The following XRRA1 variants were observed in gnomAD, a reference collection of about 807,000 sequenced individuals.
XRRA1 encodes X-ray radiation resistance associated 1.
XRRA1 carries 69 observed loss-of-function variants against 80.2 expected under a neutral mutation model. The ratio of observed to expected loss-of-function variants is 0.86; its 90% CI spans 0.71 to 1.05. The LOEUF is 1.05. XRRA1 is among the 50% of genes least tolerant of loss of function. The pLI, the probability that XRRA1 is intolerant of heterozygous loss-of-function variation, is 0.00. For missense variants in XRRA1, 967 were observed against 976.4 expected (o/e 0.99, Z 0.13); for synonymous variants, 348 against 389.9 (o/e 0.89, Z 1.27).
chr11:74,897,903 G>A lies in XRRA1; in HGVS notation c.1003+8336C>T, dbSNP rs117710188. ...CTCAATAAAGGATGTTAATGAGCAA[G>A]AAGAAATCATCTGAAGGTCCAAAAC... is the stretch of plus-strand genomic sequence containing the variant. On this transcript the variant is annotated intron_variant, in intron 10 of 18. Transcript: ENST00000684022. Among the ~76,000 whole-genome samples the A allele has an allele frequency of 2.8e-3, 424 of 152,184 alleles. 1 individual carries two copies. Among genetic ancestry groups the A allele is most frequent in the Non-Finnish European group, 5.5e-3 (372 of 67,974 alleles).
chr11:74,916,353 T>C (rs1938667245), intron 8 of XRRA1, among the ~76,000 whole-genome samples: 1 of 152,170 alleles, frequency 6.6e-6, no homozygotes, highest in Admixed American at 6.5e-5. Context: ...TTTGTTCAAG[T>C]CAATCTTTTT....
intron 11 of XRRA1, among the ~76,000 whole-genome samples, chr11:74,860,936 G>C (rs2042176293): frequency 6.6e-6 from 1 of 152,228 alleles, no homozygotes; most frequent in African/African-American, 2.4e-5. Context: ...GGCCATGCCA[G>C]AAAGACTAAC....
intron 10 of XRRA1, among the ~76,000 whole-genome samples, chr11:74,871,402 C>G (rs1207435456): frequency 6.6e-6 from 1 of 152,230 alleles, no homozygotes; most frequent in Non-Finnish European, 1.5e-5. Context: ...TTCTAGCCAT[C>G]TTTAGCCTGC....
chr11:74,947,062 C>A (rs1947724306), intron 1 of XRRA1, among the ~76,000 whole-genome samples: 1 of 152,024 alleles, frequency 6.6e-6, no homozygotes, highest in African/African-American at 2.4e-5. Flanking sequence ...TATCCTGCAT[C>A]TCACACAGGA....
chr11:74,897,435 G>T (rs1352674611), intron 10 of XRRA1, among the ~76,000 whole-genome samples: 1 of 152,080 alleles, frequency 6.6e-6, no homozygotes, highest in Admixed American at 6.5e-5. Flanking sequence ...GATAGGGATA[G>T]AAAGTTTATT....
chr11:74,902,295 G>C (rs1186752449), intron 10 of XRRA1, among the ~76,000 whole-genome samples: 1 of 152,182 alleles, frequency 6.6e-6, no homozygotes, highest in Non-Finnish European at 1.5e-5. Context: ...GGAGAAAAGG[G>C]AACCCTCATA....
chr11:74,925,229 A>G (rs1367292322), intron 7 of XRRA1, among the ~76,000 whole-genome samples: 1 of 152,230 alleles, frequency 6.6e-6, no homozygotes, highest in East Asian at 1.9e-4. Context: ...AACCAAGACA[A>G]AAGGTCTTCT....
At chr11:74,934,817 T>G (rs544625994) in intron 4 of XRRA1, among the ~76,000 whole-genome samples, 2 of 152,260 alleles carry the variant, frequency 1.3e-5, no homozygotes, top group South Asian at 4.1e-4. Flanking sequence ...AGCAGGGGGC[T>G]GATAGTAATT....
chr11:74,933,677 CCTT>C, intron 5 of XRRA1, 121 bp downstream of exon 5: 5 of 781,706 alleles, frequency 6.4e-6, no homozygotes, highest in African/African-American at 1.7e-5. Flanking sequence ...TCCTCTCCCT[CCTT>C]CTTCGTGACC....
At chr11:74,903,684 C>G (rs943569910) in intron 10 of XRRA1, among the ~76,000 whole-genome samples, 1 of 152,078 alleles carries the variant, frequency 6.6e-6, no homozygotes, top group Admixed American at 6.5e-5. Flanking sequence ...GCCTGGGCAA[C>G]AGCGTGAGAC....
chr11:74,854,205 A>C (rs2040551845), intron 12 of XRRA1, among the ~76,000 whole-genome samples: 1 of 152,200 alleles, frequency 6.6e-6, no homozygotes, highest in Non-Finnish European at 1.5e-5. Context: ...GCAGTTGGAT[A>C]CACTGGTCTG....
At chr11:74,894,766 C>G (rs573040918) in intron 10 of XRRA1, among the ~76,000 whole-genome samples, 2 of 151,984 alleles carry the variant, frequency 1.3e-5, no homozygotes, top group African/African-American at 2.4e-5. Flanking sequence ...CCCTTGAACC[C>G]AAAATAAAAG....
intron 7 of XRRA1, among the ~76,000 whole-genome samples, chr11:74,926,127 A>C (rs1942174651): frequency 6.6e-6 from 1 of 152,226 alleles, no homozygotes. Flanking sequence ...TTTTGTCTCA[A>C]ATCATAGAAA....
intron 16 of XRRA1, 127 bp downstream of exon 16, chr11:74,844,946 T>C (rs1253672922): frequency 4.5e-6 from 4 of 892,228 alleles, no homozygotes; most frequent in Non-Finnish European, 7.0e-6. Flanking sequence ...CTTTGACAGG[T>C]ATTTAGACAG....
At chr11:74,843,764 C>G in intron 18 of XRRA1, 90 bp downstream of exon 18, 1 of 1,217,874 alleles carries the variant, frequency 8.2e-7, no homozygotes, top group Non-Finnish European at 1.2e-6. Context: ...CTCTAAGGGC[C>G]TTTCCTGCAC....
At chr11:74,856,781 G>A (rs1694369921) in intron 12 of XRRA1, among the ~76,000 whole-genome samples, 2 of 152,162 alleles carry the variant, frequency 1.3e-5, no homozygotes, top group African/African-American at 2.4e-5. Context: ...AAAAAGGCAG[G>A]GGGCCTTACC....
chr11:74,890,374 C>G (rs2137233874), intron 10 of XRRA1, among the ~76,000 whole-genome samples: 1 of 152,250 alleles, frequency 6.6e-6, no homozygotes, highest in Middle Eastern at 3.4e-3. Flanking sequence ...ACACAACATA[C>G]CAGAATCCCT....
At chr11:74,919,046 T>G (rs891842179) in intron 8 of XRRA1, 1 of 152,298 alleles carries the variant, frequency 6.6e-6, no homozygotes, top group African/African-American at 2.4e-5. Flanking sequence ...CTTCTTACTT[T>G]TTGTTCTTCC....
intron 10 of XRRA1, among the ~76,000 whole-genome samples, chr11:74,869,063 T>C (rs1227214613): frequency 6.6e-6 from 1 of 151,962 alleles, no homozygotes; most frequent in East Asian, 1.9e-4. Context: ...CAGCTGCACA[T>C]GGCACATATT....
Sources: allele counts gnomAD v4.1 joint callset (sites outside exome capture counted in the v4.1 genomes callset), GRCh38; gene constraint gnomAD v4.1.1; transcripts MANE v1.5; gene names NCBI Gene and HGNC (gene_info 2026-07-23, HGNC 2026-07-21).